EDIL3: variants seen among roughly 807,000 people sequenced by gnomAD.
EDIL3 encodes the protein EGF-like repeat and discoidin I-like domain-containing protein 3.
Under a neutral mutation model 67.4 loss-of-function variants are expected in EDIL3, and 37 were observed. The ratio of observed to expected loss-of-function variants is 0.55; its 90% CI spans 0.42 to 0.72. The LOEUF (loss-of-function observed/expected upper bound fraction) is 0.72, where lower values mean the gene tolerates loss of function less well. Ranked by LOEUF, EDIL3 falls within the 30% of genes least tolerant of loss-of-function variation. The pLI is 0.00. For missense variants in EDIL3, 527 were observed against 586.3 expected (o/e 0.90, Z 1.04); for synonymous variants, 195 against 196.3 (o/e 0.99, Z 0.05).
chr5:84,213,542 G>A (rs1744171078), intron 3 of EDIL3, among the ~76,000 whole-genome samples: 1 of 152,018 alleles, frequency 6.6e-6, no homozygotes, highest in Admixed American at 6.6e-5. Context: ...TCTTTTTCAA[G>A]AGCTTCTAGT....
intron 1 of EDIL3, among the ~76,000 whole-genome samples, chr5:84,382,098 T>G (rs1748088068): frequency 3.3e-5 from 5 of 152,108 alleles, no homozygotes; most frequent in Admixed American, 3.3e-4. Context: ...GAGAAAAAAT[T>G]AGAGAGGTGC....
At chr5:83,983,742 C>A (rs201715830) in intron 9 of EDIL3, among the ~76,000 whole-genome samples, 1 of 126,918 alleles carries the variant, frequency 7.9e-6, no homozygotes, top group Non-Finnish European at 1.7e-5. Flanking sequence ...CAGGGACTTT[C>A]TTTTTTTTTT....
chr5:84,370,082 T>C (rs573128444), intron 1 of EDIL3, among the ~76,000 whole-genome samples: 25 of 152,352 alleles, frequency 1.6e-4, no homozygotes, highest in Middle Eastern at 3.4e-3. Flanking sequence ...TATACACCTT[T>C]TTCCATTCTA....
At chr5:84,202,575 A>G (rs764571355) in intron 3 of EDIL3, among the ~76,000 whole-genome samples, 1 of 152,160 alleles carries the variant, frequency 6.6e-6, no homozygotes, top group Non-Finnish European at 1.5e-5. Context: ...GCTAAAGAAA[A>G]GAGTGGAAAT....
chr5:84,124,070 A>G (rs79830933), intron 5 of EDIL3, among the ~76,000 whole-genome samples: 1,838 of 152,072 alleles, frequency 0.012, 27 homozygotes, highest in African/African-American at 0.041. Flanking sequence ...ACTCAGAGAC[A>G]TCTTAGCCAC....
intron 5 of EDIL3, among the ~76,000 whole-genome samples, chr5:84,133,833 A>C (rs1316564864): frequency 2.6e-5 from 4 of 152,096 alleles, no homozygotes; most frequent in African/African-American, 9.6e-5. Context: ...AAAAGAATTG[A>C]GATCTTCCAA....
At chr5:84,374,487 CTT>C (rs1351353521) in intron 1 of EDIL3, among the ~76,000 whole-genome samples, 2 of 152,278 alleles carry the variant, frequency 1.3e-5, no homozygotes, top group East Asian at 3.9e-4. Context: ...TTTAACCACT[CTT>C]TTATTATTTT....
At chr5:84,297,792 G>A (rs536448990) in intron 1 of EDIL3, among the ~76,000 whole-genome samples, 2 of 152,292 alleles carry the variant, frequency 1.3e-5, no homozygotes, top group East Asian at 3.9e-4. Flanking sequence ...TTGAGATAAT[G>A]GAGAGCAGGT....
intron 1 of EDIL3, among the ~76,000 whole-genome samples, chr5:84,285,653 G>C (rs977933147): frequency 1.3e-5 from 2 of 152,220 alleles, no homozygotes; most frequent in Non-Finnish European, 2.9e-5. Flanking sequence ...TCTTATGTCA[G>C]ACTTGGGCTT....
At position 84,248,177 on chromosome 5, in the gene EDIL3, CCA is replaced by C. The variant is rs561100331; in HGVS notation, c.196+5905_196+5906del. Among the ~76,000 whole-genome samples, 378 of 152,216 alleles carry C rather than the reference CCA, an allele frequency of 2.5e-3. 1 individual carries two copies. Among genetic ancestry groups the C allele is most frequent in the African/African-American group, 8.4e-3 (351 of 41,540 alleles). On this transcript the variant is annotated intron_variant, in intron 2 of 10. Coordinates refer to ENST00000296591, the MANE Select transcript of EDIL3 (RefSeq NM_005711.5). ...TTTTTTCTACAAATTCTTCTACGTGCCACAGTCAAGCTCTTTCTCCACAACGC... is the reference window on the plus strand; with the variant it reads ...TTTTTTCTACAAATTCTTCTACGTGCCAGTCAAGCTCTTTCTCCACAACGC...
At chr5:84,173,191 C>A (rs755369686) in intron 4 of EDIL3, among the ~76,000 whole-genome samples, 28 of 152,210 alleles carry the variant, frequency 1.8e-4, no homozygotes, top group Non-Finnish European at 4.1e-4. Flanking sequence ...TATGGAGGTG[C>A]CTTGAAAACA....
intron 9 of EDIL3, among the ~76,000 whole-genome samples, chr5:84,051,510 C>T (rs545666569): frequency 6.6e-5 from 10 of 152,266 alleles, no homozygotes; most frequent in Non-Finnish European, 1.0e-4. Flanking sequence ...CAAACTTCTC[C>T]GAACTAAAGG....
At chr5:84,007,636 G>T (rs535369824) in intron 9 of EDIL3, among the ~76,000 whole-genome samples, 1 of 152,252 alleles carries the variant, frequency 6.6e-6, no homozygotes, top group African/African-American at 2.4e-5. Context: ...GCAAATGCTG[G>T]CAAGGTTGTG....
chr5:84,210,189 C>T (rs1021392797), intron 3 of EDIL3, among the ~76,000 whole-genome samples: 8 of 152,108 alleles, frequency 5.3e-5, no homozygotes, highest in African/African-American at 1.9e-4. Context: ...TTTTAATCTA[C>T]TATAGTAAAT....
chr5:84,122,738 T>C (rs1226238131), intron 5 of EDIL3, among the ~76,000 whole-genome samples: 1 of 151,908 alleles, frequency 6.6e-6, no homozygotes, highest in Non-Finnish European at 1.5e-5. Context: ...GTCTTGTTTA[T>C]GAAGATGTAG....
chr5:83,984,498 A>T (rs920846186), intron 9 of EDIL3, among the ~76,000 whole-genome samples: 7 of 152,130 alleles, frequency 4.6e-5, no homozygotes, highest in Admixed American at 2.0e-4. Context: ...TTGTGGTCCA[A>T]AGAAACAAAT....
chr5:84,149,058 C>T (rs1401636624), intron 4 of EDIL3, among the ~76,000 whole-genome samples: 4 of 151,800 alleles, frequency 2.6e-5, no homozygotes, highest in African/African-American at 9.7e-5. Flanking sequence ...AGGACTCTCC[C>T]TCTTGGGCCA....
intron 1 of EDIL3, among the ~76,000 whole-genome samples, chr5:84,305,437 C>T (rs1230190720): frequency 1.3e-5 from 2 of 152,152 alleles, no homozygotes; most frequent in African/African-American, 4.8e-5. Flanking sequence ...GTTCTATTGT[C>T]ATTGATCCCA....
intron 1 of EDIL3, among the ~76,000 whole-genome samples, chr5:84,288,652 C>T (rs1300224546): frequency 6.6e-6 from 1 of 152,066 alleles, no homozygotes; most frequent in Non-Finnish European, 1.5e-5. Flanking sequence ...AATGCTTTTG[C>T]TCCAAGCAAG....
Sources: gnomAD v4.1 joint callset for allele counts (sites outside exome capture counted in the v4.1 genomes callset) on GRCh38, gnomAD v4.1.1 for gene constraint, MANE v1.5 for transcripts, NCBI Gene and HGNC (gene_info 2026-07-23, HGNC 2026-07-21) for gene names.